The following FBN2 variants were observed in gnomAD, a reference collection of about 807,000 sequenced individuals.
FBN2 encodes fibrillin 2.
In FBN2, 105 loss-of-function variants were observed where a neutral mutation model predicts 355.6. The ratio of observed to expected loss-of-function variants is 0.30; its 90% CI spans 0.25 to 0.35. The LOEUF (loss-of-function observed/expected upper bound fraction) is 0.35, where lower values mean the gene tolerates loss of function less well. Among genes scored for constraint, FBN2 ranks in the 10% least tolerant of loss-of-function variants. The pLI, the probability that FBN2 is intolerant of heterozygous loss-of-function variation, is 1.00. For synonymous variants in FBN2, 1,350 were observed against 1,301.2 expected (o/e 1.04, Z -0.81); for missense variants, 3,280 against 3,758.7 (o/e 0.87, Z 3.33).
At chr5:128,483,147 C>T (rs1755242043) in intron 5 of FBN2, among the ~76,000 whole-genome samples, 1 of 151,980 alleles carries the variant, frequency 6.6e-6, no homozygotes, top group South Asian at 2.1e-4. Flanking sequence ...ACAATAGACA[C>T]CAGGGACTAA....
chr5:128,367,484 T>C (rs1751804599), intron 16 of FBN2, among the ~76,000 whole-genome samples: 1 of 152,162 alleles, frequency 6.6e-6, no homozygotes, highest in South Asian at 2.1e-4. Context: ...GTAAATTCCA[T>C]AAAGATTAAG....
At chr5:128,386,598 A>T (rs1195382155) in intron 11 of FBN2, among the ~76,000 whole-genome samples, 1 of 152,140 alleles carries the variant, frequency 6.6e-6, no homozygotes, top group African/African-American at 2.4e-5. Context: ...TAGAATCTGT[A>T]AATTGCTTTG....
chr5:128,537,320 C>A (rs756904366), intron 1 of FBN2, 30 bp downstream of exon 1: 5 of 1,607,636 alleles, frequency 3.1e-6, no homozygotes, highest in Admixed American at 3.3e-5. Context: ...CAAGCCGGAG[C>A]CCTAGGTGCG....
In FBN2 at chr5:128,338,138, G is replaced by A. The variant is rs754554723; in HGVS notation, c.3473-16C>T. 1.9e-5 allele frequency: 30 copies of A among 1,612,938 alleles called. No homozygotes were observed. The highest frequency in any genetic ancestry group is 4.4e-5 in the South Asian group (4 of 91,030). On this transcript the variant is annotated splice_polypyrimidine_tract_variant and intron_variant, in intron 26 of 64. Transcript: ENST00000262464. ...TCGTCAATGTCTGAAAGGTAAAAAC[G>A]TGAGATCCATTAAAGAACTCTGAGG...
At chr5:128,450,022 A>C (rs2127063074) in intron 6 of FBN2, among the ~76,000 whole-genome samples, 1 of 152,248 alleles carries the variant, frequency 6.6e-6, no homozygotes, top group East Asian at 1.9e-4. Context: ...TAAAGCATTA[A>C]ACTCCTGGAG....
intron 59 of FBN2, 33 bp from the exon 60 acceptor site, chr5:128,274,716 G>T: frequency 8.1e-7 from 1 of 1,232,068 alleles, no homozygotes; most frequent in Non-Finnish European, 1.2e-6. Context: ...GAAAATCACA[G>T]TAGACTATCT....
intron 20 of FBN2, among the ~76,000 whole-genome samples, chr5:128,356,578 T>G (rs1260587581): frequency 6.6e-6 from 1 of 152,248 alleles, no homozygotes; most frequent in African/African-American, 2.4e-5. Context: ...CCACAGAGGC[T>G]AGAAGTAGGG....
At chr5:128,456,025 C>CAAAAAAAAAAAAAAAAAAAA (rs1754384315) in intron 6 of FBN2, among the ~76,000 whole-genome samples, 1 of 46,746 alleles carries the variant, frequency 2.1e-5, no homozygotes, top group African/African-American at 1.2e-4. Flanking sequence ...AAAAAAAAAG[C>CAAAAAAAAAAAAAAAAAAAA]AACTGCTGAA....
chr5:128,535,708 G>A (rs1756826338), intron 2 of FBN2, among the ~76,000 whole-genome samples: 1 of 151,826 alleles, frequency 6.6e-6, no homozygotes, highest in Non-Finnish European at 1.5e-5. Flanking sequence ...AACTTTTAAG[G>A]TCAGAGATAC....
At chr5:128,362,248 A>C (rs1309698065) in intron 18 of FBN2, among the ~76,000 whole-genome samples, 2 of 152,212 alleles carry the variant, frequency 1.3e-5, no homozygotes, top group Non-Finnish European at 2.9e-5. Context: ...TTTATGATTA[A>C]AATTTTTAAA....
In FBN2 at chr5:128,281,933, G is replaced by A. The variant is rs752497515; in HGVS notation, c.7013-1616C>T. Among the ~76,000 whole-genome samples the A allele has an allele frequency of 1.2e-4, 18 of 152,086 alleles. 1 individual carries two copies. The highest frequency in any genetic ancestry group is 1.9e-4 in the Non-Finnish European group (13 of 67,986). ...TCTCAATCTCCTGACCTCGTGATCC[G>A]CCTGCCTCGGCCTCCCAAAGTGCTG... On this transcript the variant is annotated intron_variant, in intron 55 of 64. Transcript: ENST00000262464.
In FBN2 at chr5:128,411,297, T is replaced by C. The variant is rs141407669; in HGVS notation, c.953-2498A>G. On this transcript the variant is annotated intron_variant, in intron 7 of 64. Transcript: ENST00000262464. ...CTTTGCCATTTGCAGATGGCTTAAA[T>C]GTTAAAAAGCTCATGCCCAGTGTTT... 2.5e-3 allele frequency among the ~76,000 whole-genome samples: 374 copies of C among 152,332 alleles called. 3 individuals are homozygous for C. The highest frequency in any genetic ancestry group is 8.1e-3 in the African/African-American group (338 of 41,586).
intron 43 of FBN2, 22 bp downstream of exon 43, chr5:128,305,801 G>A: frequency 6.2e-7 from 1 of 1,613,270 alleles, no homozygotes. Context: ...ACTGGATAAA[G>A]GACATACTTT....
At chr5:128,448,394 C>G (rs1405627553) in intron 6 of FBN2, among the ~76,000 whole-genome samples, 3 of 152,028 alleles carry the variant, frequency 2.0e-5, no homozygotes, top group African/African-American at 7.2e-5. Flanking sequence ...GAAACCTCCA[C>G]CTCCCAGGTT....
intron 4 of FBN2, among the ~76,000 whole-genome samples, chr5:128,520,893 A>C (rs1756414389): frequency 6.6e-6 from 1 of 152,136 alleles, no homozygotes; most frequent in South Asian, 2.1e-4. Context: ...AAATATGGGC[A>C]GACTTGAAAT....
intron 5 of FBN2, among the ~76,000 whole-genome samples, chr5:128,486,730 G>A (rs753286831): frequency 4.6e-5 from 7 of 151,920 alleles, no homozygotes; most frequent in Non-Finnish European, 8.8e-5. Flanking sequence ...CCATTAACTC[G>A]CCGTTTACAT....
rs767550567 is a variant in FBN2 at position 128,369,384 on chromosome 5, G to C, written c.2096-50C>G. 6.2e-6 allele frequency: 10 copies of C among 1,601,156 alleles called. No individual in the cohort carries two copies. In the South Asian group the frequency reaches 1.0e-4, roughly 16 times the overall value. On this transcript the variant is annotated intron_variant, in intron 15 of 64. Coordinates refer to ENST00000262464, the MANE Select transcript of FBN2 (RefSeq NM_001999.4). ...CTTGAGGCAGTGATAGAGACAAAGA[G>C]ATTTCGAAACAGAAGGCTTCTTTTA...
rs1031105135 is a variant in FBN2, at chr5:128,317,380, G to C, written c.4717+769C>G. Among the ~76,000 whole-genome samples, 14 of 152,286 alleles carry C rather than the reference G, an allele frequency of 9.2e-5. 1 individual carries two copies. Among genetic ancestry groups the C allele is most frequent in the South Asian group, 4.1e-4 (2 of 4,828 alleles). On this transcript the variant is annotated intron_variant, in intron 36 of 64. Transcript: ENST00000262464. The stretch of plus-strand genomic sequence containing the variant: ...AATGGAAAACACAGACTTGGAGTTT[G>C]TGTAAATGATAATTAAAAGTATTCT...
At chr5:128,419,101 A>G (rs1231930530) in intron 7 of FBN2, among the ~76,000 whole-genome samples, 2 of 152,346 alleles carry the variant, frequency 1.3e-5, no homozygotes, top group East Asian at 3.9e-4. Flanking sequence ...TTGTATAAAA[A>G]TAAAATTCAT....
Sources: allele counts gnomAD v4.1 joint callset (sites outside exome capture counted in the v4.1 genomes callset), GRCh38; gene constraint gnomAD v4.1.1; transcripts MANE v1.5; gene names NCBI Gene and HGNC (gene_info 2026-07-23, HGNC 2026-07-21).